ATG5: variants seen among roughly 807,000 people sequenced by gnomAD.
The protein encoded by ATG5 is autophagy protein 5.
Under a neutral mutation model 36.5 loss-of-function variants are expected in ATG5, and 14 were observed. The ratio of observed to expected loss-of-function variants is 0.38; its 90% confidence interval spans 0.25 to 0.60. The LOEUF (loss-of-function observed/expected upper bound fraction) is 0.60. Among genes scored for constraint, ATG5 ranks in the 20% least tolerant of loss-of-function variants. ATG5 has a pLI of 0.60. For missense variants in ATG5, 195 were observed against 326.7 expected (o/e 0.60, Z 3.11); for synonymous variants, 95 against 101.5 (o/e 0.94, Z 0.38).
intron 4 of ATG5, among the ~76,000 whole-genome samples, chr6:106,282,943 C>T (rs1779936693): frequency 6.6e-6 from 1 of 152,062 alleles, no homozygotes; most frequent in Non-Finnish European, 1.5e-5. Context: ...TACACCACCA[C>T]ACTCAGCTAA....
chr6:106,264,033 T>C (rs1779131535), intron 5 of ATG5, among the ~76,000 whole-genome samples: 1 of 152,050 alleles, frequency 6.6e-6, no homozygotes, highest in South Asian at 2.1e-4. Context: ...AGGTGGGTAA[T>C]AACAAACTCT....
intron 6 of ATG5, among the ~76,000 whole-genome samples, chr6:106,245,109 C>G (rs1778278146): frequency 6.6e-6 from 1 of 152,170 alleles, no homozygotes; most frequent in African/African-American, 2.4e-5. Flanking sequence ...CTGAAACTAA[C>G]ACACCAAACT....
chr6:106,271,486 G>C (rs958021058), intron 5 of ATG5: 2 of 152,156 alleles, frequency 1.3e-5, no homozygotes, highest in African/African-American at 4.8e-5. Context: ...ATCAGACACT[G>C]AATTGCAGGC....
At chr6:106,268,104 GA>G (rs1208896113) in intron 5 of ATG5, among the ~76,000 whole-genome samples, 2 of 152,152 alleles carry the variant, frequency 1.3e-5, no homozygotes, top group Non-Finnish European at 2.9e-5. Context: ...GCAACCTACA[GA>G]ATGGGAGAAA....
intron 2 of ATG5, among the ~76,000 whole-genome samples, chr6:106,312,200 G>A (rs1284078514): frequency 4.6e-5 from 7 of 152,122 alleles, no homozygotes; most frequent in African/African-American, 9.7e-5. Context: ...AGATAAGTCT[G>A]AGAGACACTG....
chr6:106,299,762 C>G (rs1017158083), intron 3 of ATG5, among the ~76,000 whole-genome samples: 2 of 152,182 alleles, frequency 1.3e-5, no homozygotes, highest in Non-Finnish European at 2.9e-5. Flanking sequence ...GTATAAATAT[C>G]TGTACTCAGA....
At chr6:106,242,641 C>T (rs1582599060) in intron 6 of ATG5, among the ~76,000 whole-genome samples, 2 of 151,838 alleles carry the variant, frequency 1.3e-5, no homozygotes, top group South Asian at 4.2e-4. Context: ...AAAAAAACAC[C>T]TCAAGCAACT....
intron 5 of ATG5, among the ~76,000 whole-genome samples, chr6:106,262,121 G>T (rs560166162): frequency 4.0e-4 from 61 of 152,316 alleles, no homozygotes; most frequent in African/African-American, 1.5e-3. Flanking sequence ...CACCCAGGCT[G>T]GAGTGCAGTG....
At chr6:106,262,677 C>T (rs909537540) in intron 5 of ATG5, among the ~76,000 whole-genome samples, 3 of 151,962 alleles carry the variant, frequency 2.0e-5, no homozygotes, top group Non-Finnish European at 2.9e-5. Context: ...TTGTTGGGAC[C>T]GGTTAGGCAG....
At chr6:106,189,480 GC>G (rs1406522894) in intron 7 of ATG5, among the ~76,000 whole-genome samples, 3 of 151,970 alleles carry the variant, frequency 2.0e-5, no homozygotes, top group African/African-American at 7.2e-5. Flanking sequence ...CTTTAGCTGG[GC>G]GTGGTGGTGC....
chr6:106,204,133 G>C (rs1259488835), intron 6 of ATG5, among the ~76,000 whole-genome samples: 1 of 151,994 alleles, frequency 6.6e-6, no homozygotes, highest in African/African-American at 2.4e-5. Context: ...CGTAGATGAG[G>C]GGCTGATGGG....
chr6:106,319,723 C>T (rs895596052), intron 1 of ATG5, among the ~76,000 whole-genome samples: 1 of 152,128 alleles, frequency 6.6e-6, no homozygotes, highest in African/African-American at 2.4e-5. Context: ...TTTATTTGTA[C>T]GTCTCCTCCA....
At chr6:106,228,698 A>AT (rs1777544013) in intron 6 of ATG5, among the ~76,000 whole-genome samples, 1 of 152,146 alleles carries the variant, frequency 6.6e-6, no homozygotes. Flanking sequence ...CAAAGCGGTA[A>AT]TATTGGACCA....
At chr6:106,244,559 C>G (rs187711070) in intron 6 of ATG5, among the ~76,000 whole-genome samples, 38 of 152,302 alleles carry the variant, frequency 2.5e-4, no homozygotes, top group Non-Finnish European at 5.1e-4. Context: ...TCAAGGTAGC[C>G]TTCTCTCCTC....
chr6:106,217,165 T>C (rs541211012), intron 6 of ATG5, among the ~76,000 whole-genome samples: 3 of 152,246 alleles, frequency 2.0e-5, no homozygotes, highest in East Asian at 3.9e-4. Flanking sequence ...AGATCAGAGA[T>C]ACATTTCTAC....
chr6:106,265,988 T>G (rs913030663), intron 5 of ATG5, among the ~76,000 whole-genome samples: 23 of 150,870 alleles, frequency 1.5e-4, no homozygotes, highest in African/African-American at 5.4e-4. Context: ...ACAAGAATAA[T>G]TAAGATCAGA....
intron 6 of ATG5, chr6:106,202,310 G>A: frequency 2.6e-5 from 11 of 416,744 alleles, no homozygotes; most frequent in Non-Finnish European, 4.3e-5. Flanking sequence ...AAGTTGGGTG[G>A]GACATTCTAA....
chr6:106,211,007 T>C (rs981239538), intron 6 of ATG5, among the ~76,000 whole-genome samples: 1 of 152,238 alleles, frequency 6.6e-6, no homozygotes, highest in African/African-American at 2.4e-5. Flanking sequence ...CCTGTTACTA[T>C]GTTATTACTA....
At chr6:106,312,915 T>C (rs987847356) in intron 2 of ATG5, among the ~76,000 whole-genome samples, 3 of 152,234 alleles carry the variant, frequency 2.0e-5, no homozygotes, top group African/African-American at 2.4e-5. Flanking sequence ...AGAGAATGAC[T>C]ATAAGCAACC....
Sources: allele counts gnomAD v4.1 joint callset (sites outside exome capture counted in the v4.1 genomes callset), GRCh38; gene constraint gnomAD v4.1.1; transcripts MANE v1.5; gene names NCBI Gene and HGNC (gene_info 2026-07-23, HGNC 2026-07-21).